Variants in CERS3 observed in about 807,000 individuals in gnomAD.
The protein encoded by CERS3 is ceramide synthase 3, also known as LAG1 homolog, ceramide synthase 3.
CERS3 carries 33 observed loss-of-function variants against 50.3 expected under a neutral mutation model. That is an observed-to-expected ratio of 0.66 (90% CI 0.50 to 0.88). The LOEUF is 0.88. CERS3 is among the 40% of genes least tolerant of loss of function. The pLI, the probability that CERS3 is intolerant of heterozygous loss-of-function variation, is 0.00. For synonymous variants in CERS3, 176 were observed against 155.2 expected (o/e 1.13, Z -0.99); for missense variants, 470 against 460.3 (o/e 1.02, Z -0.19).
Position 100,401,481 on chromosome 15 carries a change from T to G in CERS3, c.*1232A>C, listed in dbSNP as rs547246818. 6 of 152,400 alleles carry G rather than the reference T, an allele frequency of 3.9e-5. No individual in the cohort carries two copies. The highest frequency in any genetic ancestry group is 1.4e-4 in the African/African-American group (6 of 41,560). 9.4% of individuals were successfully genotyped at this position (152,400 alleles called of 1,614,324 possible). On this transcript the variant is annotated 3_prime_UTR_variant, in exon 12 of 12. Transcript: ENST00000679737. ...CTACTGATCTGCCCGTCCCTATCCC[T>G]CCTCCCAGGGAGCTGGCACTGACTC...
At chr15:100,502,649 G>A (rs542118460) in intron 2 of CERS3, among the ~76,000 whole-genome samples, 4 of 152,230 alleles carry the variant, frequency 2.6e-5, no homozygotes, top group Non-Finnish European at 4.4e-5. Flanking sequence ...ATTAGTCTAT[G>A]TAAAGGAATA....
At chr15:100,516,883 C>A (rs1388821630) in intron 2 of CERS3, among the ~76,000 whole-genome samples, 1 of 152,228 alleles carries the variant, frequency 6.6e-6, no homozygotes, top group African/African-American at 2.4e-5. Context: ...ATCTCCCTCC[C>A]AACCTCAGCA....
intron 10 of CERS3, among the ~76,000 whole-genome samples, chr15:100,467,614 C>T (rs1289163712): frequency 4.0e-5 from 6 of 151,562 alleles, no homozygotes; most frequent in Admixed American, 1.3e-4. Context: ...GCAATTGGAA[C>T]GTGTAGTGCC....
At chr15:100,435,686 C>A (rs537562285) in intron 11 of CERS3, among the ~76,000 whole-genome samples, 1 of 152,170 alleles carries the variant, frequency 6.6e-6, no homozygotes, top group South Asian at 2.1e-4. Context: ...GTGAACAGGC[C>A]ACCTATAGAA....
chr15:100,460,532 G>A (rs1489429098), intron 10 of CERS3, among the ~76,000 whole-genome samples: 1 of 152,192 alleles, frequency 6.6e-6, no homozygotes, highest in Admixed American at 6.5e-5. Flanking sequence ...TGCCTAGAAT[G>A]TACTTTCTCT....
intron 5 of CERS3, among the ~76,000 whole-genome samples, chr15:100,483,813 C>CTTTT: frequency 1.3e-5 from 1 of 78,288 alleles, no homozygotes; most frequent in African/African-American, 4.8e-5. Flanking sequence ...CAGAGTCTTG[C>CTTTT]TCTGTCACCC....
chr15:100,422,287 C>A (rs1203919805), intron 11 of CERS3, among the ~76,000 whole-genome samples: 2 of 84,762 alleles, frequency 2.4e-5, no homozygotes, highest in Non-Finnish European at 2.5e-5. Flanking sequence ...CATGAACAGA[C>A]ACTTCTCAAA....
chr15:100,448,148 A>G (rs1372588424), intron 11 of CERS3, among the ~76,000 whole-genome samples: 1 of 152,178 alleles, frequency 6.6e-6, no homozygotes, highest in Non-Finnish European at 1.5e-5. Flanking sequence ...GGTTGTCCAA[A>G]ACTGGAGCAA....
chr15:100,434,590 G>A (rs1049622658), intron 11 of CERS3, among the ~76,000 whole-genome samples: 2 of 152,224 alleles, frequency 1.3e-5, no homozygotes, highest in Non-Finnish European at 2.9e-5. Flanking sequence ...TAGGGGTGGG[G>A]AGATGGCCAC....
chr15:100,477,162 G>C (rs552138134), intron 7 of CERS3, among the ~76,000 whole-genome samples: 1 of 152,192 alleles, frequency 6.6e-6, no homozygotes, highest in Non-Finnish European at 1.5e-5. Flanking sequence ...GTTGTTTGAA[G>C]GCACTAAGTT....
chr15:100,416,539 T>C (rs1226970031), intron 11 of CERS3, among the ~76,000 whole-genome samples: 2 of 152,184 alleles, frequency 1.3e-5, no homozygotes, highest in East Asian at 3.9e-4. Context: ...AATTGACTCA[T>C]AGTTCCACAT....
chr15:100,493,638 C>T (rs1364566101), intron 3 of CERS3, among the ~76,000 whole-genome samples: 1 of 152,102 alleles, frequency 6.6e-6, no homozygotes, highest in Non-Finnish European at 1.5e-5. Context: ...TTATTCTCTT[C>T]TCTCCTTCTG....
intron 11 of CERS3, among the ~76,000 whole-genome samples, chr15:100,431,815 G>A (rs899072005): frequency 7.2e-5 from 11 of 152,072 alleles, no homozygotes; most frequent in African/African-American, 2.4e-4. Flanking sequence ...TTCTATTAAC[G>A]CCCAAGCCAC....
Position 100,490,871 on chromosome 15 carries a change from T to C in CERS3, c.234A>G (p.Thr78=). 1 of 1,612,694 alleles carries C rather than the reference T, an allele frequency of 6.2e-7. No homozygotes were observed. Among genetic ancestry groups the C allele is most frequent in the South Asian group, 1.1e-5 (1 of 90,896 alleles). Residue 78 remains threonine (T), a synonymous_variant, in exon 4 of 12, where the codon ACA becomes ACG. Transcript: ENST00000679737. Reference sequence around the variant, plus strand: ...AAAAATTCTCTAAGACAGTATTTGGTGTAACCTTTCGAACTGTCTCTTTAA... The same window carrying C: ...AAAAATTCTCTAAGACAGTATTTGGCGTAACCTTTCGAACTGTCTCTTTAA... ...FGIKETVRKV[T]PNTVLENFFK...
rs2035434587 is a variant in CERS3, at chr15:100,484,657, A to C, written c.300T>G (p.Tyr100Ter). The C allele has an allele frequency of 6.2e-7, 1 of 1,612,824 alleles. No homozygotes were observed. The highest frequency in any genetic ancestry group is 8.5e-7 in the Non-Finnish European group (1 of 1,178,802). Reference sequence around the variant, plus strand: ...TCAAGTTACACTTCTTTGCCAGTCCATAAATATCAGTCTGAAAAGGGATGA... The same window carrying C: ...TCAAGTTACACTTCTTTGCCAGTCCCTAAATATCAGTCTGAAAAGGGATGA... ...STRQPLQTDI[Y>*]GLAKKCNLTE... is the part of the protein sequence containing the mutation. Residue 100 changes from tyrosine to a stop codon, truncating the protein, a stop_gained, in exon 5 of 12, where the codon TAT becomes TAG. Coordinates refer to ENST00000679737, the MANE Select transcript of CERS3 (RefSeq NM_001378789.1). LOFTEE classifies it high-confidence loss of function.
chr15:100,484,721 C>A, intron 4 of CERS3, 53 bp from the exon 5 acceptor site: 1 of 1,307,188 alleles, frequency 7.7e-7, no homozygotes, highest in Admixed American at 1.7e-5. Flanking sequence ...GTCAGACTGG[C>A]AGGCAGACAA....
At chr15:100,418,225 G>C (rs1290329008) in intron 11 of CERS3, among the ~76,000 whole-genome samples, 3 of 152,110 alleles carry the variant, frequency 2.0e-5, no homozygotes, top group African/African-American at 4.8e-5. Context: ...CCAATACAGA[G>C]AAGGGCTTAA....
rs1306094824 is a variant in CERS3, at chr15:100,497,896, C to CACTT, written c.173+3780_173+3781insAAGT. On this transcript the variant is annotated intron_variant, in intron 3 of 11. Coordinates refer to ENST00000679737, the MANE Select transcript of CERS3 (RefSeq NM_001378789.1). ...ACACACACACACACACACACACACA[C>CACTT]TTTTTTTTTTTTTTTTGAGATGGAG... Among the ~76,000 whole-genome samples, 122 of 63,602 alleles carry CACTT rather than the reference C, an allele frequency of 1.9e-3. 1 individual carries two copies. Among genetic ancestry groups the CACTT allele is most frequent in the East Asian group, 0.015 (36 of 2,428 alleles). The allele number at this position is 63,602 out of a possible 152,430, so 41.7% of individuals were successfully genotyped here. A position where few individuals can be genotyped will look rare whatever the true frequency, so the allele number is the denominator to read the frequency against.
At chr15:100,420,884 C>T (rs1007063092) in intron 11 of CERS3, among the ~76,000 whole-genome samples, 6 of 150,488 alleles carry the variant, frequency 4.0e-5, no homozygotes, top group African/African-American at 1.2e-4. Context: ...ATTCAACAAC[C>T]CTTCATGCTA....
Sources: allele counts gnomAD v4.1 joint callset (sites outside exome capture counted in the v4.1 genomes callset), GRCh38; gene constraint gnomAD v4.1.1; transcripts MANE v1.5; gene names NCBI Gene and HGNC (gene_info 2026-07-23, HGNC 2026-07-21).